CROCC: variants seen among roughly 807,000 people sequenced by gnomAD.
CROCC encodes the protein rootletin.
In CROCC, 180 loss-of-function variants were observed where a neutral mutation model predicts 245.2. The ratio of observed to expected loss-of-function variants is 0.73; its 90% confidence interval spans 0.65 to 0.83. CROCC has a LOEUF of 0.83. Among genes scored for constraint, CROCC ranks in the 40% least tolerant of loss-of-function variants. The pLI, the probability that CROCC is intolerant of heterozygous loss-of-function variation, is 0.00. For synonymous variants in CROCC, 1,205 were observed against 1,241.6 expected, an observed-to-expected ratio of 0.97 and a Z score of 0.62; for missense variants, 2,688 against 2,779.4, an observed-to-expected ratio of 0.97 and a Z score of 0.74.
In CROCC at chr1:16,972,435, C is replaced by A; in HGVS notation, c.6043C>A (p.Pro2015Thr). 6.2e-7 allele frequency: 1 copy of A among 1,612,712 alleles called. No individual in the cohort carries two copies. Among genetic ancestry groups the A allele is most frequent in the Non-Finnish European group, 8.5e-7 (1 of 1,179,328 alleles). The change falls in exon 37 of 37, where the codon CCA (proline) becomes ACA (threonine). Residue 2015 changes from proline to threonine, a missense_variant. Pro to Thr is a conservative substitution (Grantham distance 38). Transcript: ENST00000375541. ...ACCCTTCTCCCCACCCTCCGGCCCC[C>A]CAGAGAAATGAGCTCCTGCTGGCAT... ...SAPFSPPSGP[P>T]EK
At chr1:16,938,823 C>G in intron 11 of CROCC, 86 bp from the exon 12 acceptor site, 2 of 1,324,502 alleles carry the variant, frequency 1.5e-6, no homozygotes, top group South Asian at 2.6e-5. Context: ...TGAGGCAGCC[C>G]CCAGCCTCAC....
At position 16,939,150 on chromosome 1, in the gene CROCC, G is replaced by A. The variant is rs781079296; in HGVS notation, c.1608+8G>A. 13 of 1,474,730 alleles carry A rather than the reference G, an allele frequency of 8.8e-6. No individual in the cohort carries two copies. The East Asian group carries it at 1.0e-4, about 12-fold the overall frequency. The allele number at this position is 1,474,730 out of a possible 1,614,324, so 91.4% of individuals were successfully genotyped here. A position where few individuals can be genotyped will look rare whatever the true frequency, so the allele number is the denominator to read the frequency against. On this transcript the variant is annotated splice_region_variant and intron_variant, in intron 12 of 36. Coordinates refer to ENST00000375541, the MANE Select transcript of CROCC (RefSeq NM_014675.5). The stretch of plus-strand genomic sequence containing the variant: ...CGCCAGCTGCAGGTCCAGGTAGGAA[G>A]GGGCTTGAGCGTTCTGGGCGCAGCC...
intron 3 of CROCC, among the ~76,000 whole-genome samples, chr1:16,925,863 A>G (rs2075523323): frequency 6.6e-6 from 1 of 152,232 alleles, no homozygotes; most frequent in African/African-American, 2.4e-5. Context: ...GCGGGTGTGT[A>G]GGGCACGCTG....
intron 13 of CROCC, among the ~76,000 whole-genome samples, chr1:16,941,680 C>T (rs1237270166): frequency 1.3e-5 from 2 of 151,552 alleles, no homozygotes; most frequent in Non-Finnish European, 2.9e-5. Context: ...GGCAGCGAGC[C>T]GAGATGGCGC....
chr1:16,940,890 A>C (rs1484919981), intron 13 of CROCC: 1 of 425,102 alleles, frequency 2.4e-6, no homozygotes. Flanking sequence ...GGCCTGGGGA[A>C]GGATATGGGA....
intron 4 of CROCC, 23 bp from the exon 5 acceptor site, chr1:16,930,101 C>A (rs1328257777): frequency 6.3e-7 from 1 of 1,580,918 alleles, no homozygotes; most frequent in African/African-American, 1.3e-5. Context: ...CCCTGGGGCT[C>A]ACCATCAGCT....
chr1:16,937,307 C>T (rs1331395516), intron 9 of CROCC, among the ~76,000 whole-genome samples: 16 of 151,236 alleles, frequency 1.1e-4, no homozygotes, highest in Non-Finnish European at 2.1e-4. Context: ...GAGCCAAGAT[C>T]ACATCTCTGT....
At chr1:16,923,807 A>G (rs2075465928) in intron 2 of CROCC, among the ~76,000 whole-genome samples, 2 of 151,514 alleles carry the variant, frequency 1.3e-5, no homozygotes, top group Admixed American at 1.3e-4. Flanking sequence ...CAGCCTCCCA[A>G]GTAGCTGGGA....
chr1:16,945,126 G>A (rs1160156143), intron 14 of CROCC, among the ~76,000 whole-genome samples: 8 of 152,242 alleles, frequency 5.3e-5, no homozygotes, highest in African/African-American at 1.9e-4. Context: ...CCAGCTACTC[G>A]GGAGGCTGAG....
intron 8 of CROCC, among the ~76,000 whole-genome samples, chr1:16,936,031 C>T (rs1196109537): frequency 2.6e-5 from 4 of 152,242 alleles, no homozygotes; most frequent in Admixed American, 6.5e-5. Context: ...CCTGTTACCC[C>T]CAGAGCCCCT....
In CROCC at chr1:16,931,400, G is replaced by T; in HGVS notation, c.956+3G>T. 6.2e-7 allele frequency: 1 copy of T among 1,609,664 alleles called. No individual in the cohort carries two copies. The highest frequency in any genetic ancestry group is 1.1e-5 in the South Asian group (1 of 90,776). ...GAGGTGAAGATGTTCACTGAGAGGT[G>T]AGGCCTGGCCGGGGACGGGGCAGCA... On this transcript the variant is annotated splice_donor_region_variant and intron_variant, in intron 8 of 36. Coordinates refer to ENST00000375541, the MANE Select transcript of CROCC (RefSeq NM_014675.5).
chr1:16,943,447 A>C (rs2075975046), intron 13 of CROCC, among the ~76,000 whole-genome samples: 2 of 152,208 alleles, frequency 1.3e-5, no homozygotes, highest in South Asian at 4.2e-4. Flanking sequence ...CTGAGGCAGG[A>C]GAATGGCGTG....
At position 16,948,522 on chromosome 1, in the gene CROCC, G is replaced by C. The variant is rs1170829658; in HGVS notation, c.2706G>C (p.Leu902=). The part of the protein sequence containing the change: ...GRTLSEEATR[L]RLEKEALEGS... ...CCCTGTCAGAGGAGGCCACACGCCTGCGGTAAGGCCTTGGGCTCTGCCCAA... is the reference window on the plus strand; with the variant it reads ...CCCTGTCAGAGGAGGCCACACGCCTCCGGTAAGGCCTTGGGCTCTGCCCAA... The change falls in exon 18 of 37, where the codon CTG becomes CTC. Residue 902 remains leucine, a splice_region_variant and synonymous_variant. Coordinates refer to ENST00000375541, the MANE Select transcript of CROCC (RefSeq NM_014675.5). 6.5e-7 allele frequency: 1 copy of C among 1,537,390 alleles called. No individual in the cohort carries two copies. Among genetic ancestry groups the C allele is most frequent in the Non-Finnish European group, 8.8e-7 (1 of 1,142,526 alleles).
At position 16,946,245 on chromosome 1, in the gene CROCC, G is replaced by A. The variant is rs756571695; in HGVS notation, c.2137-14G>A. On this transcript the variant is annotated splice_polypyrimidine_tract_variant and intron_variant, in intron 15 of 36. Transcript: ENST00000375541. ...TTTCTGCCTTTCCTCATTTCTCGGG[G>A]CCTGACCCTGCAGGCTGAGGCTGGC... The A allele has an allele frequency of 1.3e-4, 203 of 1,609,016 alleles. No individual in the cohort carries two copies. The highest frequency in any genetic ancestry group is 1.7e-4 in the Non-Finnish European group (198 of 1,178,722).
intron 3 of CROCC, among the ~76,000 whole-genome samples, chr1:16,928,044 G>A (rs1471591601): frequency 3.3e-5 from 5 of 152,402 alleles, no homozygotes; most frequent in African/African-American, 7.2e-5. Flanking sequence ...CTTCCCTACC[G>A]CTAACCTGGC....
rs1162878143 is a variant in CROCC, at chr1:16,968,291, G to A, written c.4949G>A (p.Arg1650His). ...LKEVLDASESRTVKLELQRRS... is the reference protein window; with the variant it reads ...LKEVLDASESHTVKLELQRRS... ...GAGGTTCTGGACGCCTCCGAGAGCC[G>A]CACTGTCAAGCTGGAGCTGCAGCGG... The change falls in exon 31 of 37, where the codon CGC (arginine) becomes CAC (histidine). Residue 1650 changes from arginine (R) to histidine (H), a missense_variant. Around this residue, in one of 9 missense-constraint regions of CROCC, gnomAD observed 1,218 missense variants for 1,286.3 expected, o/e 0.95. Coordinates refer to ENST00000375541, the MANE Select transcript of CROCC (RefSeq NM_014675.5). 11 of 1,553,854 alleles carry A rather than the reference G, an allele frequency of 7.1e-6. No individual in the cohort carries two copies. Among genetic ancestry groups the A allele is most frequent in the East Asian group, 2.4e-5 (1 of 41,404 alleles).
rs561731608 is a variant in CROCC at position 16,966,947 on chromosome 1, C to T, written c.4860+376C>T. 3.4e-4 allele frequency among the ~76,000 whole-genome samples: 52 copies of T among 151,944 alleles called. No homozygotes were observed. The highest frequency in any genetic ancestry group is 1.2e-3 in the African/African-American group (49 of 41,432). ...GTGTGGGCCTGTAGTCCCAGCTACT[C>T]GGGAGGCTGAGGTGGGAAGATCACT... On this transcript the variant is annotated intron_variant, in intron 30 of 36. Transcript: ENST00000375541. This position sits in a 1 kb window ranked among gnomAD's most constrained non-coding sequence, Gnocchi z 4.8.
At chr1:16,937,368 A>C (rs2100405948) in intron 9 of CROCC, among the ~76,000 whole-genome samples, 1 of 152,160 alleles carries the variant, frequency 6.6e-6, no homozygotes, top group East Asian at 1.9e-4. Context: ...AAAAAAAACA[A>C]AAAAAAAGAA....
intron 23 of CROCC, 44 bp from the exon 24 acceptor site, chr1:16,955,268 G>T: frequency 6.3e-7 from 1 of 1,584,174 alleles, no homozygotes; most frequent in Non-Finnish European, 8.6e-7. Flanking sequence ...GCTTGACGGG[G>T]GGGTCCCTGA....
Sources: allele counts gnomAD v4.1 joint callset (sites outside exome capture counted in the v4.1 genomes callset), GRCh38; gene constraint gnomAD v4.1.1; regional missense constraint gnomAD v4.1.1; non-coding constraint Gnocchi (gnomAD v3.1); transcripts MANE v1.5; gene names NCBI Gene and HGNC (gene_info 2026-07-23, HGNC 2026-07-21).